RBMS3: variants seen among roughly 807,000 people sequenced by gnomAD.
The protein encoded by RBMS3 is RNA-binding motif, single-stranded-interacting protein 3.
In RBMS3, 27 loss-of-function variants were observed where a neutral mutation model predicts 66.8. That is an observed-to-expected ratio of 0.40 (90% confidence interval 0.30 to 0.56). The LOEUF is 0.56. RBMS3 is among the 20% of genes least tolerant of loss of function. The pLI, the probability that RBMS3 is intolerant of heterozygous loss-of-function variation, is 0.40. For missense variants in RBMS3, 513 were observed against 549.5 expected, an observed-to-expected ratio of 0.93 and a Z score of 0.66; for synonymous variants, 188 against 183.0, an observed-to-expected ratio of 1.03 and a Z score of -0.22.
chr3:29,799,367 C>T (rs2057317805), intron 6 of RBMS3, among the ~76,000 whole-genome samples: 1 of 152,136 alleles, frequency 6.6e-6, no homozygotes, highest in Non-Finnish European at 1.5e-5. Context: ...GCAATTTCTT[C>T]ATGCATGATG....
chr3:29,820,740 C>A lies in RBMS3; in HGVS notation c.638-48118C>A, dbSNP rs1380424863. 2.0e-5 allele frequency among the ~76,000 whole-genome samples: 3 copies of A among 152,188 alleles called. No homozygotes were observed. The East Asian group carries it at 5.8e-4, about 29-fold the overall frequency. On this transcript the variant is annotated intron_variant, in intron 6 of 14. Transcript: ENST00000383767. ...GTTACTTTGTAAACTAATTAATGCA[C>A]GTGGTGCTACAAAATTCCAAGAATA... is the stretch of plus-strand genomic sequence containing the variant.
intron 12 of RBMS3, among the ~76,000 whole-genome samples, chr3:29,948,098 A>G (rs1206594228): frequency 5.3e-5 from 8 of 151,676 alleles, no homozygotes; most frequent in Non-Finnish European, 1.2e-4. Flanking sequence ...GGCTGAAATA[A>G]TAAGTGTTAT....
intron 6 of RBMS3, among the ~76,000 whole-genome samples, chr3:29,807,483 A>C (rs1250114837): frequency 6.6e-6 from 1 of 151,966 alleles, no homozygotes; most frequent in East Asian, 1.9e-4. Context: ...GTTCTGTCCC[A>C]CAGAAATAAT....
intron 6 of RBMS3, among the ~76,000 whole-genome samples, chr3:29,792,472 C>G (rs1475969400): frequency 6.6e-6 from 1 of 152,120 alleles, no homozygotes; most frequent in Non-Finnish European, 1.5e-5. Flanking sequence ...CCAAAATGTG[C>G]ACATATTGTT....
At chr3:29,592,462 C>T (rs982514689) in intron 4 of RBMS3, among the ~76,000 whole-genome samples, 1 of 152,144 alleles carries the variant, frequency 6.6e-6, no homozygotes, top group Non-Finnish European at 1.5e-5. Flanking sequence ...AGTGAGATAC[C>T]ATCTCACACC....
chr3:29,823,479 A>G (rs2058125118), intron 6 of RBMS3, among the ~76,000 whole-genome samples: 1 of 152,196 alleles, frequency 6.6e-6, no homozygotes, highest in Non-Finnish European at 1.5e-5. Flanking sequence ...CATTTAGGTC[A>G]TTTCTAACAT....
chr3:29,349,439 T>C (rs528566802), intron 1 of RBMS3, among the ~76,000 whole-genome samples: 2 of 152,304 alleles, frequency 1.3e-5, no homozygotes, highest in Non-Finnish European at 2.9e-5. Context: ...TCCTCTATGT[T>C]TCCTGTATAG....
At chr3:29,984,228 A>C (rs999543668) in intron 12 of RBMS3, among the ~76,000 whole-genome samples, 1 of 151,880 alleles carries the variant, frequency 6.6e-6, no homozygotes, top group African/African-American at 2.4e-5. Flanking sequence ...TCTATGCTTC[A>C]TGAAGTTCTC....
At chr3:29,767,348 C>CTTTTCAGAATA (rs1043553847) in intron 6 of RBMS3, 2 of 150,640 alleles carry the variant, frequency 1.3e-5, no homozygotes, top group Non-Finnish European at 2.9e-5. Flanking sequence ...GTGGAGCAAT[C>CTTTTCAGAATA]TTTTCAGAAT....
In RBMS3 at chr3:29,829,550, T is replaced by C. The variant is rs2058308301; in HGVS notation, c.638-39308T>C. Among the ~76,000 whole-genome samples the C allele has an allele frequency of 2.0e-5, 3 of 152,298 alleles. No homozygotes were observed. In the South Asian group the frequency reaches 6.2e-4, roughly 32 times the overall value. On this transcript the variant is annotated intron_variant, in intron 6 of 14. Coordinates refer to ENST00000383767, the MANE Select transcript of RBMS3 (RefSeq NM_001003793.3). ...CACAACAGTCTTCTTTTATCTTCAA[T>C]ACGTAGTGGAATATTGTGAAATAGC... is the stretch of plus-strand genomic sequence containing the variant.
intron 7 of RBMS3, among the ~76,000 whole-genome samples, chr3:29,882,462 CAT>C (rs1464889902): frequency 1.3e-5 from 2 of 152,102 alleles, no homozygotes; most frequent in African/African-American, 2.4e-5. Context: ...TATCATTAAA[CAT>C]GTGTTCTCAG....
intron 3 of RBMS3, among the ~76,000 whole-genome samples, chr3:29,565,690 G>A (rs2046717262): frequency 6.6e-6 from 1 of 152,066 alleles, no homozygotes; most frequent in South Asian, 2.1e-4. Context: ...AACAGCCAAA[G>A]TATTAACACC....
At chr3:29,700,332 A>C (rs1183812435) in intron 4 of RBMS3, among the ~76,000 whole-genome samples, 1 of 152,166 alleles carries the variant, frequency 6.6e-6, no homozygotes, top group Non-Finnish European at 1.5e-5. Flanking sequence ...AGTCTCTTCC[A>C]TATGTTGCAG....
chr3:29,319,043 C>T (rs1391563898), intron 1 of RBMS3, among the ~76,000 whole-genome samples: 1 of 151,922 alleles, frequency 6.6e-6, no homozygotes, highest in Non-Finnish European at 1.5e-5. Flanking sequence ...ATGACAAATA[C>T]TTCAGCGTGG....
At chr3:29,322,520 A>C (rs1473824023) in intron 1 of RBMS3, among the ~76,000 whole-genome samples, 1 of 152,048 alleles carries the variant, frequency 6.6e-6, no homozygotes, top group African/African-American at 2.4e-5. Flanking sequence ...ACATTTTATG[A>C]GTTAAAAATC....
chr3:29,330,817 G>C (rs1029510315), intron 1 of RBMS3, among the ~76,000 whole-genome samples: 10 of 152,130 alleles, frequency 6.6e-5, no homozygotes, highest in African/African-American at 2.4e-4. Flanking sequence ...TCTGCAAAGG[G>C]CTTGTTAGGA....
At chr3:29,882,294 C>G (rs931899772) in intron 7 of RBMS3, among the ~76,000 whole-genome samples, 18 of 152,120 alleles carry the variant, frequency 1.2e-4, no homozygotes, top group Non-Finnish European at 2.5e-4. Context: ...CTTGACACCA[C>G]TATCTTCTTG....
intron 4 of RBMS3, among the ~76,000 whole-genome samples, chr3:29,655,142 G>T (rs1312228876): frequency 6.6e-6 from 1 of 152,136 alleles, no homozygotes; most frequent in African/African-American, 2.4e-5. Context: ...ACCAAGGATT[G>T]TGGTGCATGT....
At position 29,743,200 on chromosome 3, in the gene RBMS3, CT is replaced by C. The variant is rs554502424; in HGVS notation, c.557+3327del. ...TGTGCATTTTCTCAAGCAATTATGGCTTTTGCCTTAACTAATTTGATCATTC... is the reference window on the plus strand; with the variant it reads ...TGTGCATTTTCTCAAGCAATTATGGCTTTGCCTTAACTAATTTGATCATTC... On this transcript the variant is annotated intron_variant, in intron 5 of 14. Transcript: ENST00000383767. Among the ~76,000 whole-genome samples the C allele has an allele frequency of 2.5e-3, 378 of 152,288 alleles. 1 individual carries two copies. Among genetic ancestry groups the C allele is most frequent in the African/African-American group, 8.9e-3 (368 of 41,578 alleles).
Sources: allele counts gnomAD v4.1 joint callset (sites outside exome capture counted in the v4.1 genomes callset), GRCh38; gene constraint gnomAD v4.1.1; transcripts MANE v1.5; gene names NCBI Gene and HGNC (gene_info 2026-07-23, HGNC 2026-07-21).